Variants in PSD3 observed in about 807,000 individuals in gnomAD.
The protein encoded by PSD3 is pleckstrin and Sec7 domain containing 3, also known as PH and SEC7 domain-containing protein 3.
A neutral mutation model predicts 105.5 loss-of-function variants in PSD3; 49 were observed. That is an observed-to-expected ratio of 0.46 (90% CI 0.37 to 0.59). The LOEUF (loss-of-function observed/expected upper bound fraction) is 0.59, where lower values mean the gene tolerates loss of function less well. Ranked by LOEUF, PSD3 falls within the 20% of genes least tolerant of loss-of-function variation. The probability of loss-of-function intolerance (pLI) is 0.00; values close to 1 mark genes in which losing one functional copy is unlikely to be tolerated. For synonymous variants in PSD3, 557 were observed against 457.8 expected, an observed-to-expected ratio of 1.22 and a Z score of -2.77; for missense variants, 1,561 against 1,263.8, an observed-to-expected ratio of 1.24 and a Z score of -3.57.
intron 9 of PSD3, among the ~76,000 whole-genome samples, chr8:18,706,815 C>T (rs765863572): frequency 6.6e-6 from 1 of 152,276 alleles, no homozygotes; most frequent in Admixed American, 6.5e-5. Flanking sequence ...AGCTAAGCAA[C>T]CTTCTGAGTA....
chr8:18,968,027 G>C (rs1824391760), intron 1 of PSD3, among the ~76,000 whole-genome samples: 1 of 151,932 alleles, frequency 6.6e-6, no homozygotes, highest in African/African-American at 2.4e-5. Context: ...GGAACTCACT[G>C]AGCACTCTGA....
At chr8:18,761,476 A>G (rs1219337411) in intron 9 of PSD3, among the ~76,000 whole-genome samples, 4 of 152,208 alleles carry the variant, frequency 2.6e-5, no homozygotes, top group Non-Finnish European at 4.4e-5. Flanking sequence ...AAAATCTCCC[A>G]TTTTATAGAT....
rs907453253 is a variant in PSD3 at position 18,575,114 on chromosome 8, C to A, written c.2639+14G>T. 1.2e-6 allele frequency: 2 copies of A among 1,606,666 alleles called. No homozygotes were observed. Among genetic ancestry groups the A allele is most frequent in the Non-Finnish European group, 1.7e-6 (2 of 1,176,764 alleles). ...ACTAAAACACAAAATCAAATAAAAA[C>A]CAACAAAACATACTGAGTTTGAAAA... On this transcript the variant is annotated intron_variant, in intron 13 of 15. Transcript: ENST00000327040.
intron 10 of PSD3, among the ~76,000 whole-genome samples, chr8:18,635,242 TG>T (rs937462395): frequency 3.3e-4 from 50 of 152,304 alleles, no homozygotes; most frequent in African/African-American, 9.4e-4. Context: ...TTCCTTGTCC[TG>T]GCCCTGAAAT....
chr8:18,725,832 G>C (rs1003195333), intron 9 of PSD3, among the ~76,000 whole-genome samples: 3 of 152,124 alleles, frequency 2.0e-5, no homozygotes, highest in Admixed American at 2.0e-4. Flanking sequence ...TTATAAAAGA[G>C]AGGGGAAGCA....
rs1427716437 is a variant in PSD3, at chr8:18,873,574, T to C, written c.131-841A>G. ...TACTGTACCTCAAATTTTTGGTGTG[T>C]AGTGAAAACATTTAAAATCTACTTA... On this transcript the variant is annotated intron_variant, in intron 2 of 15. Transcript: ENST00000327040. Among the ~76,000 whole-genome samples the C allele has an allele frequency of 2.6e-5, 4 of 152,306 alleles. No individual in the cohort carries two copies. The East Asian group carries it at 7.7e-4, about 29-fold the overall frequency.
At position 18,535,839 on chromosome 8, in the gene PSD3, C is replaced by T. The variant is rs1015344728; in HGVS notation, c.3048G>A (p.Pro1016=). ...KKSHSSPSLN[P]DTSPITAKVK... is the part of the protein sequence containing the mutation. ...CTTTGGCAGTGATTGGAGAAGTATC[C>T]GGGTTCAGCGAAGGACTCGAGTGCG... Residue 1016 remains proline, a synonymous_variant, in exon 16 of 16, where the codon CCG becomes CCA. Transcript: ENST00000327040. 17 of 1,613,930 alleles carry T rather than the reference C, an allele frequency of 1.1e-5. No homozygotes were observed. Among genetic ancestry groups the T allele is most frequent in the Admixed American group, 6.7e-5 (4 of 59,990 alleles).
intron 1 of PSD3, among the ~76,000 whole-genome samples, chr8:19,049,490 G>T (rs1233279900): frequency 6.6e-6 from 1 of 151,978 alleles, no homozygotes; most frequent in African/African-American, 2.4e-5. Context: ...AGAAGTTCAG[G>T]ACCAGCCCAG....
At chr8:18,580,926 A>G (rs756192160) in intron 12 of PSD3, among the ~76,000 whole-genome samples, 1 of 152,164 alleles carries the variant, frequency 6.6e-6, no homozygotes, top group Non-Finnish European at 1.5e-5. Context: ...TCCATCAATC[A>G]TCTCTAGGGC....
intron 2 of PSD3, among the ~76,000 whole-genome samples, chr8:18,894,807 G>C (rs1819032674): frequency 6.6e-6 from 1 of 152,166 alleles, no homozygotes; most frequent in Admixed American, 6.5e-5. Context: ...ACCAGGAGAA[G>C]CTCACACATG....
intron 4 of PSD3, among the ~76,000 whole-genome samples, chr8:18,845,757 C>T (rs1449116115): frequency 6.6e-6 from 1 of 152,110 alleles, no homozygotes. Context: ...AACAACATAG[C>T]AAGACCCCAC....
chr8:18,571,340 G>T (rs1011760259), intron 14 of PSD3, among the ~76,000 whole-genome samples: 66 of 148,650 alleles, frequency 4.4e-4, no homozygotes, highest in African/African-American at 1.6e-3. Context: ...TGCATCCAGC[G>T]CTCTCTTCTC....
At chr8:18,702,766 T>A (rs749002675) in intron 9 of PSD3, among the ~76,000 whole-genome samples, 15 of 151,822 alleles carry the variant, frequency 9.9e-5, no homozygotes, top group Non-Finnish European at 1.5e-4. Flanking sequence ...GTGCCCGCCA[T>A]CACGCCTGGC....
chr8:18,685,944 T>A (rs1800639809), intron 9 of PSD3, among the ~76,000 whole-genome samples: 1 of 152,178 alleles, frequency 6.6e-6, no homozygotes, highest in South Asian at 2.1e-4. Flanking sequence ...GCCCTTTGGA[T>A]ATTTGTCAGT....
In PSD3 at chr8:18,651,517, C is replaced by T. The variant is rs137919927; in HGVS notation, c.2216+4125G>A. 2.7e-4 allele frequency among the ~76,000 whole-genome samples: 41 copies of T among 152,294 alleles called. No individual in the cohort carries two copies. In the East Asian group the frequency reaches 7.7e-3, roughly 29 times the overall value. ...TTACCATTAACATCCTTTCTATAGC[C>T]TTTTATGGAGCCTTCATTACATATA... is the stretch of plus-strand genomic sequence containing the variant. On this transcript the variant is annotated intron_variant, in intron 10 of 15. Transcript: ENST00000327040.
intron 15 of PSD3, among the ~76,000 whole-genome samples, chr8:18,544,994 T>C (rs1800371444): frequency 6.6e-6 from 1 of 152,110 alleles, no homozygotes; most frequent in Non-Finnish European, 1.5e-5. Context: ...AGCAGGTGCT[T>C]TTACCTTTGA....
rs375044841 is a variant in PSD3 at position 18,681,547 on chromosome 8, T to C, written c.2173-25862A>G. Among the ~76,000 whole-genome samples, 7 of 151,576 alleles carry C rather than the reference T, an allele frequency of 4.6e-5. No homozygotes were observed. The East Asian group carries it at 5.8e-4, about 13-fold the overall frequency. On this transcript the variant is annotated intron_variant, in intron 9 of 15. Coordinates refer to ENST00000327040, the MANE Select transcript of PSD3 (RefSeq NM_015310.4). The stretch of plus-strand genomic sequence containing the variant: ...CAAGTAAGATCAATGAAAATTCTGA[T>C]TAAAATTGGAGGAAAACGTGTAACT...
rs552244158 is a variant in PSD3, at chr8:18,814,252, C to T, written c.1635-9354G>A. ...TCACATACAGATTCTGCCCCCAGCC[C>T]CACCCGCCGCATACCTTCCAAATCT... On this transcript the variant is annotated intron_variant, in intron 4 of 15. Coordinates refer to ENST00000327040, the MANE Select transcript of PSD3 (RefSeq NM_015310.4). Among the ~76,000 whole-genome samples, 204 of 152,290 alleles carry T rather than the reference C, an allele frequency of 1.3e-3. 1 individual carries two copies. Among genetic ancestry groups the T allele is most frequent in the Middle Eastern group, 3.4e-3 (1 of 294 alleles).
intron 2 of PSD3, among the ~76,000 whole-genome samples, chr8:18,899,328 C>T (rs1414742337): frequency 6.6e-6 from 1 of 152,094 alleles, no homozygotes; most frequent in Non-Finnish European, 1.5e-5. Context: ...TCTTGATTGG[C>T]TCAAATGTAA....
Sources: gnomAD v4.1 joint callset for allele counts (sites outside exome capture counted in the v4.1 genomes callset) on GRCh38, gnomAD v4.1.1 for gene constraint, MANE v1.5 for transcripts, NCBI Gene and HGNC (gene_info 2026-07-23, HGNC 2026-07-21) for gene names.